Variants in CDH13 observed in about 807,000 individuals in gnomAD.
The protein encoded by CDH13 is cadherin 13, also known as cadherin-13.
CDH13 carries 24 observed loss-of-function variants against 63.8 expected under a neutral mutation model. The observed-to-expected ratio is 0.38, with a 90% CI of 0.27 to 0.53. The LOEUF (loss-of-function observed/expected upper bound fraction) is 0.53. Ranked by LOEUF, CDH13 falls within the 20% of genes least tolerant of loss-of-function variation. CDH13 has a pLI of 0.85. For synonymous variants in CDH13, 503 were observed against 355.3 expected (o/e 1.42, Z -4.67); for missense variants, 1,049 against 903.1 (o/e 1.16, Z -2.07).
chr16:83,701,644 C>G (rs77558379), intron 10 of CDH13, among the ~76,000 whole-genome samples: 5 of 152,258 alleles, frequency 3.3e-5, no homozygotes, highest in African/African-American at 1.2e-4. Context: ...GGGTTTCTAC[C>G]CTGACCGCCA....
At chr16:83,157,105 C>G (rs111342063) in intron 4 of CDH13, among the ~76,000 whole-genome samples, 58 of 152,286 alleles carry the variant, frequency 3.8e-4, no homozygotes, top group African/African-American at 1.4e-3. Context: ...AGTCAGGTTT[C>G]TTATTATCTG....
intron 6 of CDH13, among the ~76,000 whole-genome samples, chr16:83,383,735 T>C (rs10781969): frequency 0.99 from 151,009 of 152,244 alleles, 74,901 homozygotes; most frequent in East Asian, 1. Flanking sequence ...TTATTTTTAC[T>C]GCTTACTTTC....
chr16:83,700,765 C>T (rs1906100030), intron 10 of CDH13, among the ~76,000 whole-genome samples: 1 of 152,080 alleles, frequency 6.6e-6, no homozygotes, highest in South Asian at 2.1e-4. Flanking sequence ...CCAGATATGG[C>T]CACCATTATA....
chr16:83,094,129 T>C (rs1298950098), intron 3 of CDH13, among the ~76,000 whole-genome samples: 1 of 152,174 alleles, frequency 6.6e-6, no homozygotes, highest in Non-Finnish European at 1.5e-5. Context: ...AGTTACAAAA[T>C]TCTCGTTGCA....
intron 1 of CDH13, among the ~76,000 whole-genome samples, chr16:82,734,109 G>A (rs564539399): frequency 2.6e-5 from 4 of 152,310 alleles, no homozygotes; most frequent in East Asian, 1.9e-4. Context: ...GGAGGTGCAG[G>A]AACCACAGGA....
At chr16:83,355,892 T>A (rs2091043129) in intron 6 of CDH13, among the ~76,000 whole-genome samples, 1 of 152,194 alleles carries the variant, frequency 6.6e-6, no homozygotes, top group Admixed American at 6.5e-5. Context: ...TTTCTAGCAC[T>A]ATTATGTACT....
intron 1 of CDH13, among the ~76,000 whole-genome samples, chr16:82,847,375 T>C (rs2039306605): frequency 6.6e-6 from 1 of 152,218 alleles, no homozygotes; most frequent in African/African-American, 2.4e-5. Flanking sequence ...GAGAATTCCC[T>C]TTATGCCATC....
chr16:82,920,517 G>C (rs1255393624), intron 2 of CDH13, among the ~76,000 whole-genome samples: 1 of 152,134 alleles, frequency 6.6e-6, no homozygotes, highest in East Asian at 1.9e-4. Context: ...CTACAACTAG[G>C]AATGGAGTCA....
intron 4 of CDH13, among the ~76,000 whole-genome samples, chr16:83,153,988 G>A (rs899478605): frequency 1.3e-5 from 2 of 152,164 alleles, no homozygotes; most frequent in African/African-American, 4.8e-5. Flanking sequence ...AAACAATGCT[G>A]TTTTTCAAAA....
intron 10 of CDH13, among the ~76,000 whole-genome samples, chr16:83,730,689 A>AG (rs1290252979): frequency 6.6e-6 from 1 of 151,974 alleles, no homozygotes; most frequent in Admixed American, 6.6e-5. Flanking sequence ...TTTTAGATTC[A>AG]GGGGGTCCAT....
intron 5 of CDH13, among the ~76,000 whole-genome samples, chr16:83,254,990 T>TGCAG (rs1249043763): frequency 5.3e-5 from 1 of 18,808 alleles, no homozygotes; most frequent in Non-Finnish European, 2.0e-4. Flanking sequence ...TTTCTTTCTT[T>TGCAG]CTTTCTTTCT....
At chr16:82,684,680 C>A (rs1199127121) in intron 1 of CDH13, among the ~76,000 whole-genome samples, 1 of 151,752 alleles carries the variant, frequency 6.6e-6, no homozygotes, top group Non-Finnish European at 1.5e-5. Context: ...GAACTGTTTA[C>A]AATTGCTTTT....
In CDH13 at chr16:83,047,318, T is replaced by G. The variant is rs767356211; in HGVS notation, c.366+15100T>G. 2.6e-4 allele frequency among the ~76,000 whole-genome samples: 39 copies of G among 152,228 alleles called. No homozygotes were observed. Among genetic ancestry groups the G allele is most frequent in the Admixed American group, 9.2e-4 (14 of 15,282 alleles). The stretch of plus-strand genomic sequence containing the variant: ...TAATCAAAATGCATTATTTCTGTCC[T>G]TGCATTGTCCATTCTCGTAAACCGT... On this transcript the variant is annotated intron_variant, in intron 3 of 13. Coordinates refer to ENST00000567109, the MANE Select transcript of CDH13 (RefSeq NM_001257.5). The surrounding 1 kb of genome is among the most constrained non-coding windows in gnomAD (Gnocchi z 4.9).
chr16:83,316,825 G>C (rs1025440254), intron 5 of CDH13, among the ~76,000 whole-genome samples: 2 of 151,958 alleles, frequency 1.3e-5, no homozygotes, highest in African/African-American at 4.8e-5. Flanking sequence ...TAAAACAACA[G>C]ATATTTATGC....
chr16:83,013,690 A>G (rs377464615), intron 2 of CDH13, among the ~76,000 whole-genome samples: 2 of 152,214 alleles, frequency 1.3e-5, no homozygotes, highest in South Asian at 2.1e-4. Flanking sequence ...TGACATAGAG[A>G]CAATCTGACA....
intron 7 of CDH13, among the ~76,000 whole-genome samples, chr16:83,494,910 G>T (rs910505799): frequency 2.0e-5 from 3 of 152,152 alleles, no homozygotes; most frequent in East Asian, 3.8e-4. Context: ...TTGGACATAT[G>T]GCACTATGAT....
chr16:83,524,331 T>G (rs1346032209), intron 7 of CDH13, among the ~76,000 whole-genome samples: 1 of 152,084 alleles, frequency 6.6e-6, no homozygotes, highest in African/African-American at 2.4e-5. Flanking sequence ...TAAAAATGTA[T>G]AACCACATTA....
chr16:83,176,884 C>T (rs535283129), intron 4 of CDH13, among the ~76,000 whole-genome samples: 3 of 152,212 alleles, frequency 2.0e-5, no homozygotes, highest in African/African-American at 7.2e-5. Flanking sequence ...CCTTCCTCTC[C>T]CATCAGCCTG....
chr16:83,512,517 A>T (rs1446475676), intron 7 of CDH13, among the ~76,000 whole-genome samples: 1 of 150,744 alleles, frequency 6.6e-6, no homozygotes, highest in East Asian at 1.9e-4. Context: ...AAAATACAAA[A>T]ATTAGCCAGG....
Sources: gnomAD v4.1 joint callset for allele counts (sites outside exome capture counted in the v4.1 genomes callset) on GRCh38, gnomAD v4.1.1 for gene constraint, Gnocchi (gnomAD v3.1) non-coding constraint, MANE v1.5 for transcripts, NCBI Gene and HGNC (gene_info 2026-07-23, HGNC 2026-07-21) for gene names.